Variants in DPYS observed in about 807,000 individuals in gnomAD.
DPYS encodes dihydropyrimidine amidohydrolase.
DPYS carries 39 observed loss-of-function variants against 50.3 expected under a neutral mutation model. The observed-to-expected ratio is 0.78, with a 90% CI of 0.60 to 1.01. The LOEUF (loss-of-function observed/expected upper bound fraction) is 1.01, where lower values mean the gene tolerates loss of function less well. Among genes scored for constraint, DPYS ranks in the 50% least tolerant of loss-of-function variants. The pLI, the probability that DPYS is intolerant of heterozygous loss-of-function variation, is 0.00. For synonymous variants in DPYS, 245 were observed against 250.7 expected, an observed-to-expected ratio of 0.98 and a Z score of 0.22; for missense variants, 659 against 680.9, an observed-to-expected ratio of 0.97 and a Z score of 0.36.
chr8:104,460,438 T>C lies in DPYS; in HGVS notation c.264+6219A>G, dbSNP rs974127083. On this transcript the variant is annotated intron_variant, in intron 1 of 9. Transcript: ENST00000351513. ...TCCCCTTCACCTTCTAACATGATTG[T>C]AAGTTTCCCGAGGCCTCCCCGGTCA... is the stretch of plus-strand genomic sequence containing the variant. 2.6e-5 allele frequency among the ~76,000 whole-genome samples: 4 copies of C among 152,338 alleles called. No individual in the cohort carries two copies. In the East Asian group the frequency reaches 7.7e-4, roughly 29 times the overall value.
intron 3 of DPYS, 22 bp from the exon 4 acceptor site, chr8:104,444,459 G>A (rs751997275): frequency 1.2e-6 from 2 of 1,613,720 alleles, no homozygotes; most frequent in South Asian, 1.1e-5. Context: ...GCAGGAATGT[G>A]TATATGTGCA....
chr8:104,457,011 T>C (rs2140756826), intron 1 of DPYS, among the ~76,000 whole-genome samples: 1 of 152,352 alleles, frequency 6.6e-6, no homozygotes, highest in East Asian at 1.9e-4. Flanking sequence ...AGTGGATGCC[T>C]GAAACTGAGG....
At chr8:104,401,114 G>A (rs1048423561) in intron 7 of DPYS, among the ~76,000 whole-genome samples, 1 of 152,096 alleles carries the variant, frequency 6.6e-6, no homozygotes, top group Non-Finnish European at 1.5e-5. Context: ...TTTGGCCTTG[G>A]AACAGATAGA....
chr8:104,416,159 T>A (rs1812360488), intron 7 of DPYS, among the ~76,000 whole-genome samples: 1 of 152,218 alleles, frequency 6.6e-6, no homozygotes, highest in Non-Finnish European at 1.5e-5. Context: ...CACCAAAGCC[T>A]TTCTCTTCAC....
chr8:104,451,512 C>A lies in DPYS; in HGVS notation c.265-108G>T, dbSNP rs904828963. On this transcript the variant is annotated intron_variant, in intron 1 of 9. Transcript: ENST00000351513. The stretch of plus-strand genomic sequence containing the variant: ...AAGCACTTGGGCAAACTCGATGGGT[C>A]CAGGAAATTGCAAAAAGATGCTGCC... 5 of 1,408,520 alleles carry A rather than the reference C, an allele frequency of 3.5e-6. No homozygotes were observed. The East Asian group carries it at 9.4e-5, about 27-fold the overall frequency. The allele number at this position is 1,408,520 out of a possible 1,614,324, so 87.3% of individuals were successfully genotyped here. A position where few individuals can be genotyped will look rare whatever the true frequency, so the allele number is the denominator to read the frequency against.
At chr8:104,381,446 C>T (rs1181360547) in intron 8 of DPYS, 132 bp from the exon 9 acceptor site, 2 of 827,236 alleles carry the variant, frequency 2.4e-6, no homozygotes, top group African/African-American at 1.7e-5. Flanking sequence ...TCCCCATCCC[C>T]TTGGCCTTTC....
chr8:104,465,520 G>A (rs751678532), intron 1 of DPYS, among the ~76,000 whole-genome samples: 1 of 152,130 alleles, frequency 6.6e-6, no homozygotes, highest in Non-Finnish European at 1.5e-5. Flanking sequence ...CCCAAGTGCT[G>A]AGAGTAGAAT....
intron 1 of DPYS, among the ~76,000 whole-genome samples, chr8:104,466,362 A>T (rs1814390740): frequency 6.6e-6 from 1 of 152,196 alleles, no homozygotes; most frequent in Non-Finnish European, 1.5e-5. Flanking sequence ...GTATAGAGAA[A>T]TTAGGGTAAG....
At chr8:104,450,885 G>A (rs1425829565) in intron 2 of DPYS, among the ~76,000 whole-genome samples, 1 of 152,106 alleles carries the variant, frequency 6.6e-6, no homozygotes, top group Non-Finnish European at 1.5e-5. Context: ...TAACCTGTGG[G>A]AAAATACTGT....
rs1588436089 is a variant in DPYS at position 104,428,159 on chromosome 8, T to C, written c.951-38A>G. 4 of 1,613,560 alleles carry C rather than the reference T, an allele frequency of 2.5e-6. No homozygotes were observed. The East Asian group carries it at 8.9e-5, about 36-fold the overall frequency. On this transcript the variant is annotated intron_variant, in intron 5 of 9. Transcript: ENST00000351513. Reference sequence around the variant, plus strand: ...AAACACGAGAGTGATGGGGTGAGTATACAGAATATGTTAGGAGGAAACTGC... The same window carrying C: ...AAACACGAGAGTGATGGGGTGAGTACACAGAATATGTTAGGAGGAAACTGC...
In DPYS at chr8:104,419,358, G is replaced by T. The variant is rs937122715; in HGVS notation, c.1235+4889C>A. Among the ~76,000 whole-genome samples the T allele has an allele frequency of 4.2e-4, 64 of 152,078 alleles. 1 individual carries two copies. The highest frequency in any genetic ancestry group is 1.5e-3 in the African/African-American group (62 of 41,396). ...CTCACTCACCTGTTCAACATTTATT[G>T]TGCTTCTTCTCTATGCTGAACCGAA... On this transcript the variant is annotated intron_variant, in intron 7 of 9. Transcript: ENST00000351513.
chr8:104,438,802 G>A (rs1457797525), intron 4 of DPYS, among the ~76,000 whole-genome samples: 1 of 152,144 alleles, frequency 6.6e-6, no homozygotes, highest in East Asian at 1.9e-4. Flanking sequence ...GAGATGTCAG[G>A]CTGGGCGTGG....
intron 2 of DPYS, 73 bp downstream of exon 2, chr8:104,451,173 C>T (rs942934822): frequency 7.0e-5 from 111 of 1,591,944 alleles, no homozygotes; most frequent in Non-Finnish European, 9.1e-5. Flanking sequence ...CAATCAATGT[C>T]ACCAGTTTCT....
intron 4 of DPYS, among the ~76,000 whole-genome samples, chr8:104,439,680 G>T (rs1813278178): frequency 6.6e-6 from 1 of 152,164 alleles, no homozygotes; most frequent in Admixed American, 6.5e-5. Context: ...AGCTACTTGG[G>T]ATCTGAGGTT....
chr8:104,449,919 T>A (rs147311168), intron 2 of DPYS, among the ~76,000 whole-genome samples: 1 of 152,328 alleles, frequency 6.6e-6, no homozygotes, highest in Non-Finnish European at 1.5e-5. Flanking sequence ...CTGTTTGTCG[T>A]ACATTCTGTT....
chr8:104,381,349 T>A, intron 8 of DPYS, 35 bp from the exon 9 acceptor site: 2 of 1,595,514 alleles, frequency 1.3e-6, no homozygotes, highest in Non-Finnish European at 1.7e-6. Context: ...TCTTGTGGTT[T>A]ATTTTCTTGA....
chr8:104,445,589 T>TA (rs1813497449), intron 3 of DPYS, among the ~76,000 whole-genome samples: 1 of 151,572 alleles, frequency 6.6e-6, no homozygotes, highest in South Asian at 2.1e-4. Context: ...CTCATGGAGA[T>TA]ACAGAATAGA....
intron 7 of DPYS, among the ~76,000 whole-genome samples, chr8:104,416,556 G>A (rs536825301): frequency 3.3e-5 from 5 of 152,168 alleles, no homozygotes; most frequent in African/African-American, 7.2e-5. Flanking sequence ...TGGCGGGCGC[G>A]TTAGTGACAG....
intron 8 of DPYS, among the ~76,000 whole-genome samples, chr8:104,392,226 T>C (rs1220212870): frequency 1.3e-5 from 2 of 152,212 alleles, no homozygotes; most frequent in Admixed American, 1.3e-4. Context: ...CCTCCCACAG[T>C]GGCTCTCAGC....
Sources: gnomAD v4.1 joint callset for allele counts (sites outside exome capture counted in the v4.1 genomes callset) on GRCh38, gnomAD v4.1.1 for gene constraint, MANE v1.5 for transcripts, NCBI Gene and HGNC (gene_info 2026-07-23, HGNC 2026-07-21) for gene names.